STK32B: variants seen among roughly 807,000 people sequenced by gnomAD.
STK32B encodes serine/threonine-protein kinase 32B.
A neutral mutation model predicts 52.6 loss-of-function variants in STK32B; 43 were observed. The ratio of observed to expected loss-of-function variants is 0.82; its 90% CI spans 0.64 to 1.05. The LOEUF (loss-of-function observed/expected upper bound fraction) is 1.05, where lower values mean the gene tolerates loss of function less well. Ranked by LOEUF, STK32B falls within the 50% of genes least tolerant of loss-of-function variation. STK32B has a pLI of 0.00. For missense variants in STK32B, 621 were observed against 534.6 expected (o/e 1.16, Z -1.59); for synonymous variants, 238 against 204.3 (o/e 1.17, Z -1.41).
At chr4:5,134,001 C>T (rs1222353928) in intron 1 of STK32B, among the ~76,000 whole-genome samples, 1 of 152,166 alleles carries the variant, frequency 6.6e-6, no homozygotes. Context: ...CCAAACCCTC[C>T]TTTTCATCCA....
chr4:5,116,485 A>G (rs1347321227), intron 1 of STK32B, among the ~76,000 whole-genome samples: 3 of 152,144 alleles, frequency 2.0e-5, no homozygotes, highest in African/African-American at 7.2e-5. Context: ...CAACTCATAT[A>G]CTTATTTTGG....
intron 5 of STK32B, among the ~76,000 whole-genome samples, chr4:5,412,747 C>T (rs191617519): frequency 6.6e-6 from 1 of 152,162 alleles, no homozygotes; most frequent in African/African-American, 2.4e-5. Context: ...CAGTTATTAA[C>T]CCTAAATAAC....
chr4:5,276,509 A>C (rs1333271568), intron 3 of STK32B, among the ~76,000 whole-genome samples: 2 of 152,132 alleles, frequency 1.3e-5, no homozygotes, highest in Non-Finnish European at 2.9e-5. Flanking sequence ...TCTTATGTCA[A>C]ATCCTGAAGG....
At chr4:5,428,311 G>A (rs1269329687) in intron 6 of STK32B, among the ~76,000 whole-genome samples, 1 of 152,062 alleles carries the variant, frequency 6.6e-6, no homozygotes, top group African/African-American at 2.4e-5. Context: ...GGGAGGCTGA[G>A]GCAGGAGAAT....
intron 1 of STK32B, among the ~76,000 whole-genome samples, chr4:5,085,616 G>A (rs565308245): frequency 2.0e-5 from 3 of 152,296 alleles, no homozygotes; most frequent in South Asian, 2.1e-4. Flanking sequence ...GAAAATGGCC[G>A]AGTAAGGAAC....
chr4:5,432,687 C>T (rs1560405765), intron 6 of STK32B, among the ~76,000 whole-genome samples: 1 of 152,026 alleles, frequency 6.6e-6, no homozygotes, highest in Non-Finnish European at 1.5e-5. Flanking sequence ...TATGATGGTG[C>T]CTGGGGCCTG....
intron 2 of STK32B, among the ~76,000 whole-genome samples, chr4:5,166,704 G>A (rs1172029985): frequency 6.6e-6 from 1 of 151,782 alleles, no homozygotes; most frequent in Non-Finnish European, 1.5e-5. Context: ...CTGACACCTT[G>A]GTTTTGGACT....
chr4:5,326,957 A>G lies in STK32B; in HGVS notation c.261-4263A>G, dbSNP rs150164259. On this transcript the variant is annotated intron_variant, in intron 3 of 11. Transcript: ENST00000282908. ...CTCAAATCCTACAGCCGCTTTATCAACTAAGCTTATGTAATATTCTAAACC... is the reference window on the plus strand; with the variant it reads ...CTCAAATCCTACAGCCGCTTTATCAGCTAAGCTTATGTAATATTCTAAACC... 1.3e-3 allele frequency among the ~76,000 whole-genome samples: 194 copies of G among 152,318 alleles called. 1 individual carries two copies. The highest frequency in any genetic ancestry group is 3.4e-3 in the Middle Eastern group (1 of 294).
chr4:5,330,599 G>C (rs748837411), intron 3 of STK32B, among the ~76,000 whole-genome samples: 1 of 152,164 alleles, frequency 6.6e-6, no homozygotes, highest in South Asian at 2.1e-4. Flanking sequence ...TAGCTCACTC[G>C]CATGGCAGGC....
intron 1 of STK32B, among the ~76,000 whole-genome samples, chr4:5,100,802 C>CTCTTTCTTTCCTTCCTTCCCCCCT: frequency 1.4e-4 from 1 of 6,912 alleles, no homozygotes; most frequent in Admixed American, 1.5e-3. Flanking sequence ...ATTCCTTCCC[C>CTCTTTCTTTCCTTCCTTCCCCCCT]TTCCTTCCTT....
At chr4:5,024,632 T>C in the STK32B span, among the ~76,000 whole-genome samples, 1 of 152,274 alleles carries the variant, frequency 6.6e-6, no homozygotes, top group East Asian at 1.9e-4. Context: ...CTATGCCCTG[T>C]CCAAGCCTCC....
In STK32B at chr4:5,394,388, C is replaced by T. The variant is rs1181919757; in HGVS notation, c.435-3819C>T. Among the ~76,000 whole-genome samples, 3 of 152,182 alleles carry T rather than the reference C, an allele frequency of 2.0e-5. No homozygotes were observed. Among genetic ancestry groups the T allele is most frequent in the Non-Finnish European group, 4.4e-5 (3 of 68,026 alleles). On this transcript the variant is annotated intron_variant, in intron 4 of 11. Coordinates refer to ENST00000282908, the MANE Select transcript of STK32B (RefSeq NM_018401.3). The surrounding 1 kb of genome is among the most constrained non-coding windows in gnomAD (Gnocchi z 4.2). ...TTTTCAACAGGATGACGCGCTGGAG[C>T]TGAGATACGATCAATGTGAAAAATA...
At chr4:5,218,076 A>T (rs1340830181) in intron 3 of STK32B, among the ~76,000 whole-genome samples, 2 of 151,844 alleles carry the variant, frequency 1.3e-5, no homozygotes, top group Non-Finnish European at 2.9e-5. Flanking sequence ...ACCTTTCAGG[A>T]CTCTTTAAAT....
chr4:5,462,447 G>C (rs1011984814), intron 9 of STK32B, among the ~76,000 whole-genome samples: 5 of 152,082 alleles, frequency 3.3e-5, no homozygotes, highest in African/African-American at 9.7e-5. Context: ...GGGCCGGCAG[G>C]GGCAGCTGCG....
At chr4:5,461,208 G>T (rs942238871) in intron 9 of STK32B, among the ~76,000 whole-genome samples, 3 of 152,186 alleles carry the variant, frequency 2.0e-5, no homozygotes, top group African/African-American at 7.2e-5. Flanking sequence ...CCGCTCACCT[G>T]TCCTTGCCCT....
intron 1 of STK32B, among the ~76,000 whole-genome samples, chr4:5,131,067 C>G (rs560337531): frequency 6.6e-6 from 1 of 152,310 alleles, no homozygotes; most frequent in South Asian, 2.1e-4. Context: ...GGGCATGCCT[C>G]TGCTAGGCAG....
intron 4 of STK32B, among the ~76,000 whole-genome samples, chr4:5,357,000 CAT>C (rs1469842166): frequency 1.3e-5 from 2 of 150,846 alleles, no homozygotes; most frequent in African/African-American, 4.9e-5. Flanking sequence ...CTCTCTCTCT[CAT>C]ATGTGTATAT....
chr4:5,487,752 T>C (rs142702858), intron 11 of STK32B, among the ~76,000 whole-genome samples: 249 of 152,292 alleles, frequency 1.6e-3, no homozygotes, highest in African/African-American at 5.8e-3. Context: ...TATTCTGATA[T>C]GGAGTCTCGT....
intron 4 of STK32B, among the ~76,000 whole-genome samples, chr4:5,364,462 C>T (rs1734744398): frequency 1.3e-5 from 2 of 152,228 alleles, no homozygotes; most frequent in Non-Finnish European, 2.9e-5. Context: ...CCCCCACTGC[C>T]TGTGTCCAGC....
Sources: gnomAD v4.1 joint callset for allele counts (sites outside exome capture counted in the v4.1 genomes callset) on GRCh38, gnomAD v4.1.1 for gene constraint, Gnocchi (gnomAD v3.1) non-coding constraint, MANE v1.5 for transcripts, NCBI Gene and HGNC (gene_info 2026-07-23, HGNC 2026-07-21) for gene names.